The following SNAP47 variants were observed in gnomAD, a reference collection of about 807,000 sequenced individuals.
SNAP47 encodes synaptosomal-associated protein 47.
In SNAP47, 20 loss-of-function variants were observed where a neutral mutation model predicts 31.4. The ratio of observed to expected loss-of-function variants is 0.64; its 90% confidence interval spans 0.45 to 0.93. SNAP47 has a LOEUF of 0.93. Ranked by LOEUF, SNAP47 falls within the 40% of genes least tolerant of loss-of-function variation. SNAP47 has a pLI of 0.00. For synonymous variants in SNAP47, 194 were observed against 213.4 expected, an observed-to-expected ratio of 0.91 and a Z score of 0.79; for missense variants, 492 against 528.5, an observed-to-expected ratio of 0.93 and a Z score of 0.68.
At chr1:227,753,664 A>G (rs921242699) in intron 2 of SNAP47, among the ~76,000 whole-genome samples, 2 of 152,074 alleles carry the variant, frequency 1.3e-5, no homozygotes, top group African/African-American at 4.8e-5. Context: ...CCTGCTCACC[A>G]TGGAACAGGT....
rs894692258 is a variant in SNAP47 at position 227,768,393 on chromosome 1, C to T, written c.1113+1310C>T. On this transcript the variant is annotated intron_variant, in intron 4 of 4. Transcript: ENST00000617596. ...GGTCTGGGGCTCTGTCAGGCCCGGCCCTGTTTTTGTAGGGAGTGTTTTGTG... is the reference window on the plus strand; with the variant it reads ...GGTCTGGGGCTCTGTCAGGCCCGGCTCTGTTTTTGTAGGGAGTGTTTTGTG... 5 of 942,304 alleles carry T rather than the reference C, an allele frequency of 5.3e-6. No individual in the cohort carries two copies. In the African/African-American group the frequency reaches 8.9e-5, roughly 17 times the overall value. 58.4% of individuals were successfully genotyped at this position (942,304 alleles called of 1,614,324 possible). A position where few individuals can be genotyped will look rare whatever the true frequency, so the allele number is the denominator to read the frequency against.
rs1396412465 is a variant in SNAP47, at chr1:227,759,495, C to T, written c.988+10C>T. The stretch of plus-strand genomic sequence containing the variant: ...TCAGTCTGGCATGCAGGTTAGTGAC[C>T]GACAAGGCAGTGAGCGCGTGCACAG... On this transcript the variant is annotated intron_variant, in intron 3 of 4. Coordinates refer to ENST00000617596, the MANE Select transcript of SNAP47 (RefSeq NM_053052.4). 22 of 1,612,020 alleles carry T rather than the reference C, an allele frequency of 1.4e-5. No homozygotes were observed. The highest frequency in any genetic ancestry group is 1.7e-4 in the Middle Eastern group (1 of 6,008).
chr1:227,737,054 G>A lies in SNAP47; in HGVS notation c.-46+1555G>A, dbSNP rs533301085. Among the ~76,000 whole-genome samples the A allele has an allele frequency of 5.6e-4, 85 of 152,342 alleles. 1 individual carries two copies. Among genetic ancestry groups the A allele is most frequent in the Middle Eastern group, 3.4e-3 (1 of 294 alleles). On this transcript the variant is annotated intron_variant, in intron 1 of 4. Transcript: ENST00000617596. ...GGAAATGTTAAAGGCCCTGGATTGGGTTGAAGCCTGGTGGGGAAAACCTGT... is the reference window on the plus strand; with the variant it reads ...GGAAATGTTAAAGGCCCTGGATTGGATTGAAGCCTGGTGGGGAAAACCTGT...
At chr1:227,735,034 G>A, upstream of SNAP47, 1 of 1,552,170 alleles carries the variant, frequency 6.4e-7, no homozygotes, top group Non-Finnish European at 8.7e-7. Context: ...GCAGGTGGTC[G>A]AAGTCGGGCC....
intron 4 of SNAP47, among the ~76,000 whole-genome samples, chr1:227,778,525 C>T (rs1333684872): frequency 2.6e-5 from 4 of 152,224 alleles, no homozygotes; most frequent in Non-Finnish European, 5.9e-5. Context: ...AGGAGGCCTC[C>T]TCACAGGATG....
intron 3 of SNAP47, among the ~76,000 whole-genome samples, chr1:227,765,714 C>T (rs1370619581): frequency 6.6e-6 from 1 of 152,212 alleles, no homozygotes; most frequent in African/African-American, 2.4e-5. Context: ...TTACTTCCCA[C>T]CTGAGTCTCA....
chr1:227,735,802 A>C (rs1661097963), intron 1 of SNAP47: 1 of 844,158 alleles, frequency 1.2e-6, no homozygotes, highest in Non-Finnish European at 1.4e-6. Context: ...GTCCTGGAGG[A>C]GATGGTGGGG....
chr1:227,731,317 C>T (rs889522431), upstream of SNAP47: 2 of 152,338 alleles, frequency 1.3e-5, no homozygotes, highest in African/African-American at 4.8e-5. Context: ...TGGGGGCTTC[C>T]ATCCTAGACA....
chr1:227,755,418 G>C (rs576869864), intron 2 of SNAP47, among the ~76,000 whole-genome samples: 41 of 151,438 alleles, frequency 2.7e-4, no homozygotes, highest in African/African-American at 9.0e-4. Flanking sequence ...ATGGAGTCTC[G>C]CTCTGTCACC....
chr1:227,734,087 G>T, upstream of SNAP47: 1 of 1,580,106 alleles, frequency 6.3e-7, no homozygotes, highest in South Asian at 1.2e-5. Flanking sequence ...GAGGAGACTA[G>T]GGCAGCACGA....
rs564111500 is a variant in SNAP47, at chr1:227,777,065, GCTTT to G, written c.1114-3458_1114-3455del. 3.8e-3 allele frequency: 3,753 copies of G among 981,646 alleles called. 5 individuals carry two copies. The highest frequency in any genetic ancestry group is 4.4e-3 in the Non-Finnish European group (3,629 of 826,862). The allele number at this position is 981,646 out of a possible 1,614,324, so 60.8% of individuals were successfully genotyped here. ...TATAGAAATTTTTGCTATTCCCACTGCTTTCTTATGCACTAGAAAAAGGCATGAA... is the reference window on the plus strand; with the variant it reads ...TATAGAAATTTTTGCTATTCCCACTGCTTATGCACTAGAAAAAGGCATGAA... On this transcript the variant is annotated intron_variant, in intron 4 of 4. Transcript: ENST00000617596.
chr1:227,767,101 C>T lies in SNAP47; in HGVS notation c.1113+18C>T. Reference sequence around the variant, plus strand: ...TAACCCAGGTAAGATGTCCCCAGTGCCATGCCAGCCAGCGCTGTGTCCCAG... The same window carrying T: ...TAACCCAGGTAAGATGTCCCCAGTGTCATGCCAGCCAGCGCTGTGTCCCAG... On this transcript the variant is annotated intron_variant, in intron 4 of 4. Transcript: ENST00000617596. 6.2e-7 allele frequency: 1 copy of T among 1,613,622 alleles called. No homozygotes were observed. Among genetic ancestry groups the T allele is most frequent in the Non-Finnish European group, 8.5e-7 (1 of 1,179,842 alleles).
intron 2 of SNAP47, among the ~76,000 whole-genome samples, chr1:227,752,073 G>GT (rs1272251128): frequency 1.3e-5 from 2 of 151,996 alleles, no homozygotes; most frequent in African/African-American, 4.8e-5. Flanking sequence ...CCAAGACTTT[G>GT]TTTTTAAGTA....
chr1:227,754,161 A>G (rs962837994), intron 2 of SNAP47, among the ~76,000 whole-genome samples: 2 of 152,252 alleles, frequency 1.3e-5, no homozygotes, highest in African/African-American at 4.8e-5. Flanking sequence ...TGGGCCACTC[A>G]GTGGCCTGGG....
At chr1:227,759,560 A>G in intron 3 of SNAP47, 75 bp downstream of exon 3, 1 of 1,548,102 alleles carries the variant, frequency 6.5e-7, no homozygotes, top group South Asian at 1.2e-5. Flanking sequence ...GCCTGTGGGA[A>G]ATGCCTAACA....
In SNAP47 at chr1:227,747,904, CAAG is replaced by C. The variant is rs1662077239; in HGVS notation, c.172_174del (p.Lys58del). On this transcript the variant is annotated inframe_deletion, in exon 2 of 5. Coordinates refer to ENST00000617596, the MANE Select transcript of SNAP47 (RefSeq NM_053052.4). ...TCCCCCTCTCCAGCATAGTTGAGATCAAGAAGGAGGCTTCACATTTTATCTTCA... is the reference window on the plus strand; with the variant it reads ...TCCCCCTCTCCAGCATAGTTGAGATCAAGGAGGCTTCACATTTTATCTTCA... The C allele has an allele frequency of 6.2e-7, 1 of 1,614,218 alleles. No homozygotes were observed. Among genetic ancestry groups the C allele is most frequent in the Non-Finnish European group, 8.5e-7 (1 of 1,180,044 alleles).
rs11558347 is a variant in SNAP47, at chr1:227,780,890, G to A, written c.*217G>A. 4.9e-6 allele frequency: 3 copies of A among 618,446 alleles called. No homozygotes were observed. In the African/African-American group the frequency reaches 5.5e-5, roughly 11 times the overall value. The allele number at this position is 618,446 out of a possible 1,614,324, so 38.3% of individuals were successfully genotyped here. ...TGTCCCTGCTGCTGGGCAGGACCCG[G>A]CCACATGTTCTGCGGATGCTGCAGA... On this transcript the variant is annotated 3_prime_UTR_variant, in exon 5 of 5. Coordinates refer to ENST00000617596, the MANE Select transcript of SNAP47 (RefSeq NM_053052.4).
chr1:227,732,564 G>A (rs760880513), upstream of SNAP47: 2 of 1,613,484 alleles, frequency 1.2e-6, no homozygotes, highest in South Asian at 2.2e-5. Context: ...ACCCAACCCA[G>A]CACCGTCCTC....
chr1:227,735,148 G>T, upstream of SNAP47: 1 of 1,582,028 alleles, frequency 6.3e-7, no homozygotes, highest in Non-Finnish European at 8.6e-7. Context: ...GCACAAAGTC[G>T]GCGTAGGAGA....
Sources: gnomAD v4.1 joint callset for allele counts (sites outside exome capture counted in the v4.1 genomes callset) on GRCh38, gnomAD v4.1.1 for gene constraint, MANE v1.5 for transcripts, NCBI Gene and HGNC (gene_info 2026-07-23, HGNC 2026-07-21) for gene names.